Variants in CALN1 observed in about 807,000 individuals in gnomAD.
CALN1 encodes calneuron 1.
Under a neutral mutation model 30.6 loss-of-function variants are expected in CALN1, and 17 were observed. That is an observed-to-expected ratio of 0.56 (90% CI 0.38 to 0.83). CALN1 has a LOEUF of 0.83. Among genes scored for constraint, CALN1 ranks in the 40% least tolerant of loss-of-function variants. CALN1 has a pLI of 0.00. For synonymous variants in CALN1, 156 were observed against 131.4 expected (o/e 1.19, Z -1.28); for missense variants, 291 against 354.9 (o/e 0.82, Z 1.45).
intron 4 of CALN1, among the ~76,000 whole-genome samples, chr7:72,083,538 C>G (rs1805291104): frequency 6.6e-6 from 1 of 152,002 alleles, no homozygotes; most frequent in African/African-American, 2.4e-5. Flanking sequence ...GAGCTATGAT[C>G]ATGCCACTGC....
chr7:71,962,457 C>T (rs569847466), intron 5 of CALN1, among the ~76,000 whole-genome samples: 2 of 152,060 alleles, frequency 1.3e-5, no homozygotes, highest in Non-Finnish European at 2.9e-5. Flanking sequence ...ATACCAATAC[C>T]GAGTCCATGC....
intron 5 of CALN1, among the ~76,000 whole-genome samples, chr7:71,816,036 T>TA (rs999696640): frequency 5.3e-5 from 8 of 151,010 alleles, no homozygotes; most frequent in African/African-American, 2.0e-4. Context: ...ATTTTTTTTT[T>TA]AATTTTTTTT....
chr7:71,818,216 T>C (rs1788380516), intron 5 of CALN1, among the ~76,000 whole-genome samples: 1 of 152,016 alleles, frequency 6.6e-6, no homozygotes, highest in Non-Finnish European at 1.5e-5. Context: ...GAGGGGGCTT[T>C]CTGGAGAACA....
At chr7:72,278,901 G>GT in intron 2 of CALN1, 91 bp from the exon 3 acceptor site, 1 of 1,495,436 alleles carries the variant, frequency 6.7e-7, no homozygotes, top group Non-Finnish European at 9.1e-7. Context: ...TTTTCAGATG[G>GT]CCAGTGTCAT....
intron 6 of CALN1, among the ~76,000 whole-genome samples, chr7:71,795,893 A>C (rs1229359530): frequency 7.4e-6 from 1 of 134,540 alleles, no homozygotes; most frequent in Non-Finnish European, 1.5e-5. Context: ...ATCTCGGCTC[A>C]CTGCAAGCTC....
At chr7:71,911,781 A>C (rs1349981182) in intron 5 of CALN1, among the ~76,000 whole-genome samples, 1 of 152,154 alleles carries the variant, frequency 6.6e-6, no homozygotes, top group Non-Finnish European at 1.5e-5. Flanking sequence ...TGTACACATT[A>C]TTCTTCCTGC....
chr7:72,016,166 T>C (rs1270939315), intron 5 of CALN1, among the ~76,000 whole-genome samples: 1 of 150,414 alleles, frequency 6.6e-6, no homozygotes, highest in Non-Finnish European at 1.5e-5. Context: ...GGAGAATTGC[T>C]TGAACCCAGG....
intron 2 of CALN1, among the ~76,000 whole-genome samples, chr7:72,330,132 A>G (rs1172928082): frequency 1.3e-5 from 2 of 151,912 alleles, no homozygotes; most frequent in African/African-American, 4.8e-5. Flanking sequence ...GTCTCTACTA[A>G]AAATACAAAA....
chr7:72,312,995 C>T (rs771315042), intron 2 of CALN1, among the ~76,000 whole-genome samples: 1 of 152,050 alleles, frequency 6.6e-6, no homozygotes, highest in Non-Finnish European at 1.5e-5. Context: ...CCACCATACC[C>T]GGCTAATTTT....
intron 3 of CALN1, among the ~76,000 whole-genome samples, chr7:72,213,111 T>C (rs902308992): frequency 6.6e-6 from 1 of 152,240 alleles, no homozygotes; most frequent in Non-Finnish European, 1.5e-5. Context: ...GGGTCCGTTC[T>C]GGCAGTAACC....
chr7:71,968,881 CA>C (rs149692234), intron 5 of CALN1, among the ~76,000 whole-genome samples: 3,811 of 145,336 alleles, frequency 0.026, 135 homozygotes, highest in African/African-American at 0.09. Flanking sequence ...CACACCTCTA[CA>C]ATTTTTTTTT....
chr7:72,393,105 G>A (rs914327367), intron 2 of CALN1, among the ~76,000 whole-genome samples: 3 of 152,096 alleles, frequency 2.0e-5, no homozygotes, highest in African/African-American at 7.2e-5. Flanking sequence ...GACAATTACA[G>A]GGTCATAGCC....
At chr7:72,410,873 T>C (rs1460501166) in intron 1 of CALN1, among the ~76,000 whole-genome samples, 3 of 152,238 alleles carry the variant, frequency 2.0e-5, no homozygotes, top group Non-Finnish European at 2.9e-5. Flanking sequence ...GGATGTTTAC[T>C]ATCTCTGCTA....
At chr7:71,836,679 C>T (rs957078281) in intron 5 of CALN1, among the ~76,000 whole-genome samples, 1 of 146,114 alleles carries the variant, frequency 6.8e-6, no homozygotes, top group Non-Finnish European at 1.5e-5. Flanking sequence ...AGTGCAGTGG[C>T]GGATCCTGGC....
At chr7:72,410,341 T>C (rs1807038281) in intron 1 of CALN1, among the ~76,000 whole-genome samples, 10 of 152,204 alleles carry the variant, frequency 6.6e-5, no homozygotes. Context: ...TAAGATGTAT[T>C]CAAAAGCACA....
At chr7:71,835,072 G>C (rs1244695100) in intron 5 of CALN1, among the ~76,000 whole-genome samples, 1 of 152,112 alleles carries the variant, frequency 6.6e-6, no homozygotes, top group East Asian at 1.9e-4. Context: ...TGGCTTCAAG[G>C]AAGGGATCCT....
At chr7:72,309,364 C>A (rs531105952) in intron 2 of CALN1, among the ~76,000 whole-genome samples, 1 of 152,262 alleles carries the variant, frequency 6.6e-6, no homozygotes, top group Non-Finnish European at 1.5e-5. Context: ...AATCCACTGG[C>A]ACCCAAGAAG....
intron 3 of CALN1, among the ~76,000 whole-genome samples, chr7:72,186,053 G>T (rs1467805268): frequency 6.6e-6 from 1 of 152,096 alleles, no homozygotes; most frequent in Non-Finnish European, 1.5e-5. Flanking sequence ...GCCGGAGGGT[G>T]AGAGAAGGAG....
chr7:72,460,386 C>T, the CALN1 span, among the ~76,000 whole-genome samples: 1 of 151,940 alleles, frequency 6.6e-6, no homozygotes, highest in East Asian at 1.9e-4. Flanking sequence ...AATCCCAGCA[C>T]TTTGGGAGGC....
Sources: gnomAD v4.1 joint callset for allele counts (sites outside exome capture counted in the v4.1 genomes callset) on GRCh38, gnomAD v4.1.1 for gene constraint, MANE v1.5 for transcripts, NCBI Gene and HGNC (gene_info 2026-07-23, HGNC 2026-07-21) for gene names.